Variants in SLC25A27 observed in about 807,000 individuals in gnomAD.
SLC25A27 encodes mitochondrial uncoupling protein 4.
In SLC25A27, 35 loss-of-function variants were observed where a neutral mutation model predicts 49.1. The observed-to-expected ratio is 0.71, with a 90% confidence interval of 0.54 to 0.95. SLC25A27 has a LOEUF of 0.95. Ranked by LOEUF, SLC25A27 falls within the 40% of genes least tolerant of loss-of-function variation. The pLI is 0.00. For synonymous variants in SLC25A27, 144 were observed against 136.9 expected, an observed-to-expected ratio of 1.05 and a Z score of -0.36; for missense variants, 339 against 397.1, an observed-to-expected ratio of 0.85 and a Z score of 1.24.
chr6:46,657,620 T>C (rs2150633762), intron 2 of SLC25A27, among the ~76,000 whole-genome samples: 1 of 152,352 alleles, frequency 6.6e-6, no homozygotes. Context: ...AAAATTTGTA[T>C]AGGTTTAAGA....
At chr6:46,658,579 C>A in intron 2 of SLC25A27, 1 of 407,156 alleles carries the variant, frequency 2.5e-6, no homozygotes, top group Non-Finnish European at 4.8e-6. Flanking sequence ...TAGAGCCTGC[C>A]TGGAGAAGCT....
In SLC25A27 at chr6:46,678,019, G is replaced by T. The variant is rs1404023487; in HGVS notation, c.*1565G>T. 1 of 84,338 alleles carries T rather than the reference G, an allele frequency of 1.2e-5. No individual in the cohort carries two copies. Among genetic ancestry groups the T allele is most frequent in the Non-Finnish European group, 2.5e-5 (1 of 39,704 alleles). 5.2% of individuals were successfully genotyped at this position (84,338 alleles called of 1,614,324 possible). A position where few individuals can be genotyped will look rare whatever the true frequency, so the allele number is the denominator to read the frequency against. The stretch of plus-strand genomic sequence containing the variant: ...ATTGAATTTGTCAATATGTAATTGC[G>T]TTGTAAAATATTATATATATATATA... On this transcript the variant is annotated 3_prime_UTR_variant, in exon 9 of 9. Coordinates refer to ENST00000371347, the MANE Select transcript of SLC25A27 (RefSeq NM_004277.5).
chr6:46,668,477 G>C (rs139311284), intron 5 of SLC25A27, among the ~76,000 whole-genome samples: 3 of 152,146 alleles, frequency 2.0e-5, no homozygotes, highest in Non-Finnish European at 2.9e-5. Context: ...AGGCCCAGGG[G>C]TTGAGCTGAA....
At chr6:46,666,063 T>C (rs1478636248) in intron 5 of SLC25A27, among the ~76,000 whole-genome samples, 1 of 152,178 alleles carries the variant, frequency 6.6e-6, no homozygotes, top group Non-Finnish European at 1.5e-5. Flanking sequence ...TGCCTGCACA[T>C]ACCAAACTGT....
intron 1 of SLC25A27, 48 bp from the exon 2 acceptor site, chr6:46,655,795 G>T: frequency 6.5e-7 from 1 of 1,536,566 alleles, no homozygotes; most frequent in African/African-American, 1.4e-5. Context: ...ATTTTTGTTT[G>T]TTTCTCTGAA....
chr6:46,671,248 CT>C lies in SLC25A27; in HGVS notation c.900+23del. On this transcript the variant is annotated intron_variant, in intron 8 of 8. Transcript: ENST00000371347. Reference sequence around the variant, plus strand: ...AGAATGGTAAAGTTAGGTTTACTTCCTTTGTTTTTTTTCTTTGTACTTAAAT... The same window carrying C: ...AGAATGGTAAAGTTAGGTTTACTTCCTTGTTTTTTTTCTTTGTACTTAAAT... The C allele has an allele frequency of 7.3e-7, 1 of 1,371,458 alleles. No individual in the cohort carries two copies. The highest frequency in any genetic ancestry group is 2.6e-5 in the East Asian group (1 of 38,960). The allele number at this position is 1,371,458 out of a possible 1,614,324, so 85.0% of individuals were successfully genotyped here. A position where few individuals can be genotyped will look rare whatever the true frequency, so the allele number is the denominator to read the frequency against.
At chr6:46,670,413 G>A in intron 7 of SLC25A27, 186 bp downstream of exon 7, 1 of 528,514 alleles carries the variant, frequency 1.9e-6, no homozygotes, top group Non-Finnish European at 3.3e-6. Flanking sequence ...GGGGAGATAA[G>A]CTAATTAACA....
chr6:46,673,405 G>C (rs1763630566), intron 8 of SLC25A27, among the ~76,000 whole-genome samples: 1 of 152,142 alleles, frequency 6.6e-6, no homozygotes, highest in Admixed American at 6.5e-5. Flanking sequence ...CAATAACACA[G>C]CCTTATTAAG....
rs1266955816 is a variant in SLC25A27, at chr6:46,671,239, G to T, written c.900+11G>T. 7 of 1,409,590 alleles carry T rather than the reference G, an allele frequency of 5.0e-6. No individual in the cohort carries two copies. The highest frequency in any genetic ancestry group is 6.7e-6 in the Non-Finnish European group (7 of 1,037,116). The allele number at this position is 1,409,590 out of a possible 1,614,324, so 87.3% of individuals were successfully genotyped here. On this transcript the variant is annotated intron_variant, in intron 8 of 8. Coordinates refer to ENST00000371347, the MANE Select transcript of SLC25A27 (RefSeq NM_004277.5). ...TCTTGGCTGAGAATGGTAAAGTTAG[G>T]TTTACTTCCTTTGTTTTTTTTCTTT...
At chr6:46,653,564 G>T (rs1019072333) in intron 1 of SLC25A27, 1 of 985,334 alleles carries the variant, frequency 1.0e-6, no homozygotes, top group East Asian at 1.1e-4. Context: ...GAAGCTTCGC[G>T]AGCTGTCATT....
intron 5 of SLC25A27, among the ~76,000 whole-genome samples, chr6:46,667,655 T>C (rs971756121): frequency 6.6e-6 from 1 of 151,020 alleles, no homozygotes; most frequent in African/African-American, 2.5e-5. Flanking sequence ...TGTTTTCTCA[T>C]GCTTTCTTTT....
At chr6:46,661,255 C>T (rs1053135916) in intron 3 of SLC25A27, among the ~76,000 whole-genome samples, 5 of 151,974 alleles carry the variant, frequency 3.3e-5, no homozygotes, top group African/African-American at 1.2e-4. Flanking sequence ...TGTATGTGCT[C>T]ATCATTGTGT....
Position 46,667,487 on chromosome 6 carries a change from C to T in SLC25A27, c.620-1222C>T, listed in dbSNP as rs141426420. ...GCTCAAAAGCCTCCCCTGGCTTCTG[C>T]TCTTCATCATCTAGACTCTGCTACT... On this transcript the variant is annotated intron_variant, in intron 5 of 8. Coordinates refer to ENST00000371347, the MANE Select transcript of SLC25A27 (RefSeq NM_004277.5). Among the ~76,000 whole-genome samples the T allele has an allele frequency of 2.0e-3, 298 of 152,350 alleles. 1 individual carries two copies. Among genetic ancestry groups the T allele is most frequent in the Middle Eastern group, 0.01 (3 of 294 alleles).
At chr6:46,670,268 G>A (rs1358136360) in intron 7 of SLC25A27, 41 bp downstream of exon 7, 7 of 1,221,572 alleles carry the variant, frequency 5.7e-6, no homozygotes, top group African/African-American at 1.5e-5. Context: ...TTGAATATCT[G>A]TAATACCTTT....
chr6:46,672,400 A>AT (rs1419527188), intron 8 of SLC25A27, among the ~76,000 whole-genome samples: 1 of 152,100 alleles, frequency 6.6e-6, no homozygotes, highest in Non-Finnish European at 1.5e-5. Flanking sequence ...AGAAATATGC[A>AT]TTTTTAGAAA....
chr6:46,658,986 CAT>C lies in SLC25A27; in HGVS notation c.326_327del (p.Tyr109Ter), dbSNP rs1204677315. 6.2e-7 allele frequency: 1 copy of C among 1,613,424 alleles called. No individual in the cohort carries two copies. Among genetic ancestry groups the C allele is most frequent in the Non-Finnish European group, 8.5e-7 (1 of 1,179,504 alleles). The stretch of plus-strand genomic sequence containing the variant: ...GTGTATTCTGGAGGTCGAATGGTCA[CAT>C]ATGAACATCTCCGAGAGGTTGTGTT... On this transcript the variant is annotated frameshift_variant, in exon 3 of 9. Coordinates refer to ENST00000371347, the MANE Select transcript of SLC25A27 (RefSeq NM_004277.5). LOFTEE classifies it high-confidence loss of function.
intron 3 of SLC25A27, among the ~76,000 whole-genome samples, chr6:46,661,414 A>G (rs1422684082): frequency 6.6e-6 from 1 of 152,254 alleles, no homozygotes; most frequent in East Asian, 1.9e-4. Context: ...GCATATCCAT[A>G]AAATGAAATA....
chr6:46,662,185 A>G (rs747730210), intron 3 of SLC25A27, among the ~76,000 whole-genome samples, 191 bp from the exon 4 acceptor site: 9 of 152,006 alleles, frequency 5.9e-5, no homozygotes, highest in Non-Finnish European at 1.2e-4. Flanking sequence ...ATTTTCACTC[A>G]TTGTACTCCT....
In SLC25A27 at chr6:46,664,857, T is replaced by C. The variant is rs35884480; in HGVS notation, c.590T>C (p.Ile197Thr). The change falls in exon 5 of 9, where the codon ATA becomes ACA. Residue 197 changes from isoleucine (I) to threonine (T), a missense_variant. Transcript: ENST00000371347. ...RGLWAGWVPNIQRAALVNMGD... is the reference protein window; with the variant it reads ...RGLWAGWVPNTQRAALVNMGD... ...CTTTGGGCAGGCTGGGTACCCAATA[T>C]ACAAAGAGCAGCACTGGTGAATATG... The C allele has an allele frequency of 0.053, 85,426 of 1,603,832 alleles. 2,654 individuals are homozygous for C. Among genetic ancestry groups the C allele is most frequent in the South Asian group, 0.059 (5,277 of 89,424 alleles).
Sources: gnomAD v4.1 joint callset for allele counts (sites outside exome capture counted in the v4.1 genomes callset) on GRCh38, gnomAD v4.1.1 for gene constraint, MANE v1.5 for transcripts, NCBI Gene and HGNC (gene_info 2026-07-23, HGNC 2026-07-21) for gene names.